The following MIA3 variants were observed in gnomAD, a reference collection of about 807,000 sequenced individuals.
MIA3 encodes the protein transport and Golgi organization protein 1 homolog.
Under a neutral mutation model 192.4 loss-of-function variants are expected in MIA3, and 90 were observed. That is an observed-to-expected ratio of 0.47 (90% CI 0.39 to 0.56). The LOEUF (loss-of-function observed/expected upper bound fraction) is 0.56. Ranked by LOEUF, MIA3 falls within the 20% of genes least tolerant of loss-of-function variation. The pLI, the probability that MIA3 is intolerant of heterozygous loss-of-function variation, is 0.00. For synonymous variants in MIA3, 740 were observed against 792.8 expected, an observed-to-expected ratio of 0.93 and a Z score of 1.12; for missense variants, 2,123 against 2,269.4, an observed-to-expected ratio of 0.94 and a Z score of 1.31.
At chr1:222,638,461 C>T (rs1366136510) in intron 6 of MIA3, among the ~76,000 whole-genome samples, 1 of 152,058 alleles carries the variant, frequency 6.6e-6, no homozygotes, top group African/African-American at 2.4e-5. Flanking sequence ...AAGGCTGAGG[C>T]AGGAGGATCA....
chr1:222,618,577 A>T (rs1378093572), intron 1 of MIA3, among the ~76,000 whole-genome samples: 1 of 152,000 alleles, frequency 6.6e-6, no homozygotes, highest in East Asian at 1.9e-4. Context: ...AGTGGCTCAC[A>T]GCGTCCCCTT....
chr1:222,630,112 G>A lies in MIA3; in HGVS notation c.2892G>A (p.Gln964=), dbSNP rs763258804. The change falls in exon 4 of 28, where the codon CAG becomes CAA. Residue 964 remains glutamine (Q), a synonymous_variant. Coordinates refer to ENST00000344922, the MANE Select transcript of MIA3 (RefSeq NM_198551.4). The part of the protein sequence containing the change: ...EMSSKLKSAQ[Q]ESLPYNMEKV... ...CATCAAAACTGAAGTCAGCGCAGCA[G>A]GAGAGCCTGCCCTATAATATGGAAA... 1.2e-6 allele frequency: 2 copies of A among 1,614,224 alleles called. No individual in the cohort carries two copies. The highest frequency in any genetic ancestry group is 1.7e-6 in the Non-Finnish European group (2 of 1,180,040).
intron 26 of MIA3, 129 bp downstream of exon 26, chr1:222,662,461 A>C: frequency 6.6e-7 from 1 of 1,518,356 alleles, no homozygotes; most frequent in Non-Finnish European, 8.8e-7. Flanking sequence ...AAAAAAGCAA[A>C]CTGTTCTCCA....
rs1662975011 is a variant in MIA3, at chr1:222,643,789, A to AAAAAAGTG, written c.3478-1764_3478-1757dup. On this transcript the variant is annotated intron_variant, in intron 6 of 27. Coordinates refer to ENST00000344922, the MANE Select transcript of MIA3 (RefSeq NM_198551.4). ...CCTTCCCCGCAGCCACCATCTAAAA[A>AAAAAAGTG]AAAAAGTGGGACCCATAACTCAACC... is the stretch of plus-strand genomic sequence containing the variant. Among the ~76,000 whole-genome samples, 3 of 152,158 alleles carry AAAAAAGTG rather than the reference A, an allele frequency of 2.0e-5. No homozygotes were observed. In the South Asian group the frequency reaches 6.2e-4, roughly 32 times the overall value.
chr1:222,660,219 G>A lies in MIA3; in HGVS notation c.5018G>A (p.Ser1673Asn), dbSNP rs780283775. The A allele has an allele frequency of 1.2e-6, 2 of 1,613,912 alleles. No individual in the cohort carries two copies. Among genetic ancestry groups the A allele is most frequent in the East Asian group, 2.2e-5 (1 of 44,890 alleles). ...QNGSFGPSPV[S>N]GGECSPPLTV... ...GGCTCTTTTGGCCCATCCCCTGTGA[G>A]TGGTGGAGAATGCTCCCCTCCATTG... is the stretch of plus-strand genomic sequence containing the variant. The change falls in exon 24 of 28, where the codon AGT (serine) becomes AAT (asparagine). Residue 1673 changes from serine to asparagine, a missense_variant. Coordinates refer to ENST00000344922, the MANE Select transcript of MIA3 (RefSeq NM_198551.4).
chr1:222,664,147 T>C lies in MIA3; in HGVS notation c.5412T>C (p.Phe1804=). 2 of 1,614,126 alleles carry C rather than the reference T, an allele frequency of 1.2e-6. No individual in the cohort carries two copies. The highest frequency in any genetic ancestry group is 8.5e-7 in the Non-Finnish European group (1 of 1,179,978). ...PFGPRPLPPP[F]GPGMRPPLGL... ...GGCCTCGGCCACTTCCTCCACCCTT[T>C]GGTAAGATGATCTGAACAGTAGTAA... Residue 1804 remains phenylalanine, a splice_region_variant and synonymous_variant, in exon 27 of 28, where the codon TTT becomes TTC. Coordinates refer to ENST00000344922, the MANE Select transcript of MIA3 (RefSeq NM_198551.4).
intron 2 of MIA3, among the ~76,000 whole-genome samples, chr1:222,622,355 G>A (rs1446778956): frequency 6.6e-6 from 1 of 152,206 alleles, no homozygotes; most frequent in East Asian, 1.9e-4. Flanking sequence ...TATGTGGACT[G>A]TGTCTTTACT....
At chr1:222,650,469 T>G (rs1462705436) in intron 9 of MIA3, 89 bp downstream of exon 9, 1 of 833,766 alleles carries the variant, frequency 1.2e-6, no homozygotes, top group East Asian at 2.7e-5. Flanking sequence ...TATGGTATTT[T>G]TAAATAGTAT....
chr1:222,637,683 AATTTTTTT>A (rs1384694117), intron 6 of MIA3, among the ~76,000 whole-genome samples: 2 of 29,838 alleles, frequency 6.7e-5, no homozygotes, highest in Non-Finnish European at 1.5e-4. Context: ...AATCAAGAAT[AATTTTTTT>A]TTTTTTTTTT....
chr1:222,633,349 C>A, intron 6 of MIA3, 100 bp downstream of exon 6: 3 of 973,844 alleles, frequency 3.1e-6, no homozygotes, highest in Non-Finnish European at 4.6e-6. Context: ...TCTTTATGAA[C>A]CTGACTCCTG....
chr1:222,659,899 A>G lies in MIA3; in HGVS notation c.4875-7A>G. 1 of 1,607,154 alleles carries G rather than the reference A, an allele frequency of 6.2e-7. No homozygotes were observed. Among genetic ancestry groups the G allele is most frequent in the African/African-American group, 1.3e-5 (1 of 74,720 alleles). ...TCTTTCTTAAATATTCTTTCTCTAT[A>G]TTCAAGATTATTAGAATTAACACAA... On this transcript the variant is annotated splice_region_variant and splice_polypyrimidine_tract_variant and intron_variant, in intron 22 of 27. Coordinates refer to ENST00000344922, the MANE Select transcript of MIA3 (RefSeq NM_198551.4).
intron 26 of MIA3, among the ~76,000 whole-genome samples, chr1:222,663,738 A>G (rs1687117076): frequency 6.6e-6 from 1 of 152,214 alleles, no homozygotes; most frequent in Non-Finnish European, 1.5e-5. Context: ...AATGACCTCC[A>G]TTTATAACCT....
At chr1:222,663,713 C>G (rs1350475191) in intron 26 of MIA3, among the ~76,000 whole-genome samples, 1 of 152,178 alleles carries the variant, frequency 6.6e-6, no homozygotes, top group Non-Finnish European at 1.5e-5. Context: ...GGCGTAACTT[C>G]TATCATTAGT....
intron 6 of MIA3, among the ~76,000 whole-genome samples, chr1:222,637,326 C>CT (rs1662671346): frequency 1.3e-5 from 2 of 152,130 alleles, no homozygotes; most frequent in East Asian, 3.8e-4. Context: ...GTCAAGAATA[C>CT]TTAATAGGAG....
chr1:222,643,596 G>T (rs1662964051), intron 6 of MIA3, among the ~76,000 whole-genome samples: 2 of 151,964 alleles, frequency 1.3e-5, no homozygotes, highest in Admixed American at 1.3e-4. Flanking sequence ...AAATGTCCCC[G>T]GTTTCTTCAA....
In MIA3 at chr1:222,624,855, G is replaced by GT; in HGVS notation, c.354+2dup. On this transcript the variant is annotated splice_donor_variant, in intron 3 of 27. Coordinates refer to ENST00000344922, the MANE Select transcript of MIA3 (RefSeq NM_198551.4). LOFTEE classifies it high-confidence loss of function. ...AGAAGAGCTACAAGTTCCAACAGAT[G>GT]TAAGTTGTGGATTTCTGTCTTGTTC... 1 of 1,552,396 alleles carries GT rather than the reference G, an allele frequency of 6.4e-7. No individual in the cohort carries two copies. The highest frequency in any genetic ancestry group is 8.9e-7 in the Non-Finnish European group (1 of 1,126,302).
intron 18 of MIA3, among the ~76,000 whole-genome samples, chr1:222,657,009 C>G (rs1306059582): frequency 6.6e-6 from 1 of 152,114 alleles, no homozygotes; most frequent in Non-Finnish European, 1.5e-5. Context: ...GTGTGTTTCT[C>G]TGGTCTTCTA....
In MIA3 at chr1:222,650,396, GTT is replaced by G. The variant is rs200789891; in HGVS notation, c.3720+29_3720+30del. 1,990 of 1,200,370 alleles carry G rather than the reference GTT, an allele frequency of 1.7e-3. No individual in the cohort carries two copies. The highest frequency in any genetic ancestry group is 5.2e-3 in the Admixed American group (228 of 43,896). 74.4% of individuals were successfully genotyped at this position (1,200,370 alleles called of 1,614,324 possible). A position where few individuals can be genotyped will look rare whatever the true frequency, so the allele number is the denominator to read the frequency against. On this transcript the variant is annotated intron_variant, in intron 9 of 27. Coordinates refer to ENST00000344922, the MANE Select transcript of MIA3 (RefSeq NM_198551.4). ...TGAACAGAAGGTATGATTATTCTTT[GTT>G]TTTTTTTTTTTTCATGGTCCCAGCT...
At chr1:222,648,423 T>C (rs1258619400) in intron 7 of MIA3, among the ~76,000 whole-genome samples, 1 of 152,222 alleles carries the variant, frequency 6.6e-6, no homozygotes, top group African/African-American at 2.4e-5. Context: ...TGAGTAGTCG[T>C]TGTTTTTAGA....
Sources: gnomAD v4.1 joint callset for allele counts (sites outside exome capture counted in the v4.1 genomes callset) on GRCh38, gnomAD v4.1.1 for gene constraint, MANE v1.5 for transcripts, NCBI Gene and HGNC (gene_info 2026-07-23, HGNC 2026-07-21) for gene names.